The following KIF4A variants were observed in gnomAD, a reference collection of about 807,000 sequenced individuals.
KIF4A encodes kinesin family member 4A, also known as chromosome-associated kinesin KIF4A.
In KIF4A, 7 loss-of-function variants were observed where a neutral mutation model predicts 105.9. That is an observed-to-expected ratio of 0.07 (90% CI 0.04 to 0.12). The LOEUF is 0.12. Among genes scored for constraint, KIF4A ranks in the 10% least tolerant of loss-of-function variants. KIF4A has a pLI of 1.00. For missense variants in KIF4A, 558 were observed against 929.2 expected (o/e 0.60, Z 5.19); for synonymous variants, 281 against 331.3 (o/e 0.85, Z 1.65).
intron 13 of KIF4A, among the ~76,000 whole-genome samples, chrX:70,349,167 G>A (rs868139419): frequency 3.0e-5 from 3 of 98,512 alleles, no homozygotes; most frequent in Admixed American, 1.1e-4. Flanking sequence ...ATGGGCGGCC[G>A]GGCAGAGGCA....
intron 7 of KIF4A, among the ~76,000 whole-genome samples, chrX:70,304,095 C>A (rs1435718963): frequency 4.6e-5 from 3 of 64,682 alleles, no homozygotes; most frequent in African/African-American, 1.7e-4. Context: ...CCCCCTCCCC[C>A]CACCCCACAA....
At chrX:70,307,263 G>A (rs2147663505) in intron 7 of KIF4A, among the ~76,000 whole-genome samples, 1 of 110,217 alleles carries the variant, frequency 9.1e-6, no homozygotes, top group African/African-American at 3.3e-5. Context: ...AAATGCAATT[G>A]TTTTCTTAAT....
At chrX:70,310,348 T>TGTGTGCGC (rs56051172) in intron 7 of KIF4A, among the ~76,000 whole-genome samples, 10 of 107,502 alleles carry the variant, frequency 9.3e-5, no homozygotes, top group Non-Finnish European at 1.7e-4. Context: ...TGTGTGTGTG[T>TGTGTGCGC]GCCTGGATTC....
chrX:70,390,658 C>G (rs765987504), intron 20 of KIF4A, among the ~76,000 whole-genome samples: 7 of 111,357 alleles, frequency 6.3e-5, no homozygotes, highest in Non-Finnish European at 1.3e-4. Flanking sequence ...AAAATAAACC[C>G]TTTTGTTGTA....
At chrX:70,329,310 T>G in intron 7 of KIF4A, 95 bp from the exon 8 acceptor site, 1 of 800,764 alleles carries the variant, frequency 1.2e-6, no homozygotes, top group Non-Finnish European at 1.8e-6. Context: ...TCGATATTTT[T>G]ATGGGGTCTT....
chrX:70,362,889 T>C (rs770605246), intron 15 of KIF4A, among the ~76,000 whole-genome samples: 1 of 111,615 alleles, frequency 9.0e-6, no homozygotes, highest in Non-Finnish European at 1.9e-5. Context: ...CACCATCTTT[T>C]TTTTTCTCTA....
intron 15 of KIF4A, among the ~76,000 whole-genome samples, chrX:70,369,203 A>T (rs1179079056): frequency 8.9e-6 from 1 of 112,258 alleles, no homozygotes; most frequent in Non-Finnish European, 1.9e-5. Flanking sequence ...TTCCTGGGTG[A>T]GGCGATGCCT....
At chrX:70,419,363 G>C (rs2086357474) in intron 29 of KIF4A, among the ~76,000 whole-genome samples, 1 of 112,159 alleles carries the variant, frequency 8.9e-6, no homozygotes, top group East Asian at 2.8e-4. Context: ...ATTGTAGAGA[G>C]GGGGAGTTTA....
chrX:70,372,267 G>C (rs1191681264), intron 15 of KIF4A, among the ~76,000 whole-genome samples: 2 of 112,452 alleles, frequency 1.8e-5, no homozygotes, highest in East Asian at 5.6e-4. Context: ...CTGCAATCTC[G>C]GCACTTTGGG....
At chrX:70,318,070 G>A (rs1210956566) in intron 7 of KIF4A, among the ~76,000 whole-genome samples, 5 of 109,690 alleles carry the variant, frequency 4.6e-5, no homozygotes, top group East Asian at 2.9e-4. Context: ...TAGCGATGGG[G>A]TTTCACCATG....
intron 15 of KIF4A, among the ~76,000 whole-genome samples, chrX:70,371,489 G>A (rs992110260): frequency 1.8e-5 from 2 of 112,085 alleles, no homozygotes; most frequent in Middle Eastern, 4.6e-3. Flanking sequence ...TGAGCTGTTG[G>A]GTATACCTCC....
At chrX:70,350,048 G>A (rs1431053258) in intron 13 of KIF4A, among the ~76,000 whole-genome samples, 4 of 113,855 alleles carry the variant, frequency 3.5e-5, no homozygotes, top group Non-Finnish European at 5.6e-5. Flanking sequence ...GACAATGGGC[G>A]GCCAGGCGGA....
Position 70,337,627 on chromosome X carries a change from T to C in KIF4A, c.1133+3938T>C, listed in dbSNP as rs145438266. ...TTGAGGCTACAGTGAGCTATGATCA[T>C]ACCACGCACTCTAGTCTAGGCAACA... On this transcript the variant is annotated intron_variant, in intron 10 of 30. Coordinates refer to ENST00000374403, the MANE Select transcript of KIF4A (RefSeq NM_012310.5). 3.0e-3 allele frequency among the ~76,000 whole-genome samples: 333 copies of C among 111,212 alleles called. 1 individual carries two copies. Among genetic ancestry groups the C allele is most frequent in the Non-Finnish European group, 5.0e-3 (267 of 52,999 alleles).
chrX:70,375,991 C>T, intron 17 of KIF4A, 109 bp from the exon 18 acceptor site: 1 of 482,921 alleles, frequency 2.1e-6, no homozygotes, highest in South Asian at 4.0e-5. Flanking sequence ...GACTGCTTTC[C>T]CAGCCTAGTT....
chrX:70,369,084 T>C (rs1219496316), intron 15 of KIF4A, among the ~76,000 whole-genome samples: 3 of 112,532 alleles, frequency 2.7e-5, no homozygotes, highest in Non-Finnish European at 5.6e-5. Flanking sequence ...TGCCATTTGC[T>C]AAGACCTTTG....
intron 23 of KIF4A, among the ~76,000 whole-genome samples, chrX:70,403,570 T>G (rs2147738336): frequency 8.8e-6 from 1 of 113,143 alleles, no homozygotes; most frequent in East Asian, 2.8e-4. Flanking sequence ...CTATTCGGGT[T>G]AGCTTTATTC....
At position 70,308,885 on chromosome X, in the gene KIF4A, C is replaced by T. The variant is rs1229585146; in HGVS notation, c.778+6487C>T. The stretch of plus-strand genomic sequence containing the variant: ...TCGGCCTCCCAAAGTGCTAGGATTA[C>T]AGGCGTGAGCCACCACGCCAGGCCT... On this transcript the variant is annotated intron_variant, in intron 7 of 30. Transcript: ENST00000374403. 4.4e-5 allele frequency among the ~76,000 whole-genome samples: 5 copies of T among 112,731 alleles called. No homozygotes were observed. In the East Asian group the frequency reaches 8.3e-4, roughly 19 times the overall value.
At chrX:70,318,083 G>A (rs1446865991) in intron 7 of KIF4A, among the ~76,000 whole-genome samples, 1 of 110,455 alleles carries the variant, frequency 9.1e-6, no homozygotes, top group African/African-American at 3.3e-5. Context: ...TCACCATGTT[G>A]ACCAGGCTGG....
intron 30 of KIF4A, 23 bp from the exon 31 acceptor site, chrX:70,420,039 A>G: frequency 2.5e-6 from 3 of 1,201,251 alleles, no homozygotes; most frequent in East Asian, 3.0e-5. Flanking sequence ...AAGTCTATTC[A>G]TACCTGTCTC....
Sources: gnomAD v4.1 joint callset for allele counts (sites outside exome capture counted in the v4.1 genomes callset) on GRCh38, gnomAD v4.1.1 for gene constraint, MANE v1.5 for transcripts, NCBI Gene and HGNC (gene_info 2026-07-23, HGNC 2026-07-21) for gene names.